Variants in SLC35F2 observed in about 807,000 individuals in gnomAD.
SLC35F2 encodes the protein solute carrier family 35 member F2.
Under a neutral mutation model 38.1 loss-of-function variants are expected in SLC35F2, and 25 were observed. The ratio of observed to expected loss-of-function variants is 0.66; its 90% confidence interval spans 0.48 to 0.92. The LOEUF is 0.92. SLC35F2 is among the 40% of genes least tolerant of loss of function. The probability of loss-of-function intolerance (pLI) is 0.00; values close to 1 mark genes in which losing one functional copy is unlikely to be tolerated. For synonymous variants in SLC35F2, 173 were observed against 181.7 expected, an observed-to-expected ratio of 0.95 and a Z score of 0.38; for missense variants, 409 against 452.9, an observed-to-expected ratio of 0.90 and a Z score of 0.88.
intron 1 of SLC35F2, among the ~76,000 whole-genome samples, chr11:107,847,761 G>A (rs1181019297): frequency 2.0e-5 from 3 of 152,276 alleles, no homozygotes; most frequent in South Asian, 2.1e-4. Flanking sequence ...TGCTAACAGT[G>A]AAAGCAATCC....
chr11:107,803,705 G>A (rs964447395), intron 6 of SLC35F2, among the ~76,000 whole-genome samples: 4 of 151,736 alleles, frequency 2.6e-5, no homozygotes, highest in Non-Finnish European at 5.9e-5. Flanking sequence ...GACAGTGCTT[G>A]CCACGTGGAT....
At position 107,804,760 on chromosome 11, in the gene SLC35F2, C is replaced by A; in HGVS notation, c.742G>T (p.Glu248Ter). The A allele has an allele frequency of 6.2e-7, 1 of 1,605,840 alleles. No individual in the cohort carries two copies. Among genetic ancestry groups the A allele is most frequent in the Non-Finnish European group, 8.5e-7 (1 of 1,176,908 alleles). Residue 248 changes from glutamate (E) to a stop codon, truncating the protein, a stop_gained, in exon 6 of 8, where the codon GAA becomes TAA. Transcript: ENST00000525815. LOFTEE classifies it high-confidence loss of function. ...TGAATGCTGGCAATATCCTTATATT[C>A]CACAATCAATCTAAGATTAAAACAA... is the stretch of plus-strand genomic sequence containing the variant. Reference protein sequence around the residue: ...IISGIQLLIVEYKDIASIHWD... With the variant: ...IISGIQLLIV
intron 3 of SLC35F2, among the ~76,000 whole-genome samples, chr11:107,808,575 G>C (rs1278305051): frequency 6.6e-6 from 1 of 152,006 alleles, no homozygotes; most frequent in Non-Finnish European, 1.5e-5. Context: ...GTTTGGTCTT[G>C]AACAAGACAG....
chr11:107,805,468 G>C lies in SLC35F2; in HGVS notation c.622C>G (p.Leu208Val), dbSNP rs901359046. ...GDILVLLGAS[L>V]YAISNVCEEY... is the part of the protein sequence containing the mutation. ...TCACAAACATTTGAAATGGCATAGA[G>C]GGAAGCCCCAAGAAGGACCAAGATG... The change falls in exon 5 of 8, where the codon CTC becomes GTC. Residue 208 changes from leucine (L) to valine (V), a missense_variant. Leu to Val is a conservative substitution (Grantham distance 32). Coordinates refer to ENST00000525815, the MANE Select transcript of SLC35F2 (RefSeq NM_017515.5). 6.2e-7 allele frequency: 1 copy of C among 1,613,964 alleles called. No homozygotes were observed. The highest frequency in any genetic ancestry group is 8.5e-7 in the Non-Finnish European group (1 of 1,180,020).
intron 1 of SLC35F2, among the ~76,000 whole-genome samples, chr11:107,839,651 G>A (rs1490956497): frequency 1.3e-5 from 2 of 152,080 alleles, no homozygotes; most frequent in African/African-American, 2.4e-5. Context: ...AGGAGAAAGC[G>A]TGAAACACAT....
chr11:107,810,453 A>T, intron 3 of SLC35F2: 2 of 984,146 alleles, frequency 2.0e-6, no homozygotes, highest in Non-Finnish European at 2.4e-6. Flanking sequence ...TGTAGGTGAG[A>T]TTATGAGAGT....
intron 1 of SLC35F2, among the ~76,000 whole-genome samples, chr11:107,842,960 G>A (rs1362857523): frequency 6.6e-6 from 1 of 152,098 alleles, no homozygotes; most frequent in African/African-American, 2.4e-5. Context: ...TCACAGGAAA[G>A]AATATTACAA....
At chr11:107,825,466 G>T (rs1370816684) in intron 1 of SLC35F2, among the ~76,000 whole-genome samples, 1 of 151,302 alleles carries the variant, frequency 6.6e-6, no homozygotes, top group Admixed American at 6.6e-5. Flanking sequence ...CCACCTCCTG[G>T]GTTCAAGTGA....
At chr11:107,792,896 A>G in intron 7 of SLC35F2, 96 bp from the exon 8 acceptor site, 1 of 1,368,834 alleles carries the variant, frequency 7.3e-7, no homozygotes, top group African/African-American at 1.7e-5. Flanking sequence ...CCCTCTCATA[A>G]TCTTTTTATT....
chr11:107,844,940 C>T (rs956434129), intron 1 of SLC35F2, among the ~76,000 whole-genome samples: 19 of 148,446 alleles, frequency 1.3e-4, no homozygotes, highest in South Asian at 8.6e-4. Context: ...CACGTCACGG[C>T]ACTCCAGCCT....
chr11:107,841,280 C>T lies in SLC35F2; in HGVS notation c.110+17378G>A, dbSNP rs553380291. 7.9e-5 allele frequency among the ~76,000 whole-genome samples: 12 copies of T among 152,176 alleles called. No homozygotes were observed. In the South Asian group the frequency reaches 1.2e-3, roughly 16 times the overall value. On this transcript the variant is annotated intron_variant, in intron 1 of 7. Transcript: ENST00000525815. ...GCACTTCACAGAAGTACACTAAGGC[C>T]GGCCGGGTGTGGCAGCTCATGCCTG...
intron 1 of SLC35F2, among the ~76,000 whole-genome samples, chr11:107,836,515 T>C (rs2134833522): frequency 6.6e-6 from 1 of 152,326 alleles, no homozygotes; most frequent in East Asian, 1.9e-4. Flanking sequence ...CCCAATCTAA[T>C]CACATGAGAC....
chr11:107,796,440 T>A (rs1165697296), intron 7 of SLC35F2, among the ~76,000 whole-genome samples: 2 of 152,182 alleles, frequency 1.3e-5, no homozygotes, highest in African/African-American at 4.8e-5. Flanking sequence ...GGGATACTAT[T>A]CAGCCACAAA....
chr11:107,806,584 G>A (rs1456687842), intron 4 of SLC35F2, 133 bp downstream of exon 4: 4 of 776,896 alleles, frequency 5.1e-6, no homozygotes, highest in African/African-American at 3.4e-5. Context: ...AACACAAAGT[G>A]TGGCAAAGTG....
rs878991682 is a variant in SLC35F2 at position 107,804,765 on chromosome 11, A to G, written c.737T>C (p.Ile246Thr). The G allele has an allele frequency of 1.2e-6, 2 of 1,606,054 alleles. No individual in the cohort carries two copies. The highest frequency in any genetic ancestry group is 3.4e-5 in the Admixed American group (2 of 58,174). Reference protein sequence around the residue: ...GTIISGIQLLIVEYKDIASIH... With the variant: ...GTIISGIQLLTVEYKDIASIH... ...GCTGGCAATATCCTTATATTCCACA[A>G]TCAATCTAAGATTAAAACAAGAGGT... The change falls in exon 6 of 8, where the codon ATT (isoleucine) becomes ACT (threonine). Residue 246 changes from isoleucine to threonine, a missense_variant. Ile to Thr is a moderately conservative substitution (Grantham distance 89, BLOSUM62 -1). Coordinates refer to ENST00000525815, the MANE Select transcript of SLC35F2 (RefSeq NM_017515.5).
chr11:107,837,271 A>G (rs921867169), intron 1 of SLC35F2, among the ~76,000 whole-genome samples: 1 of 152,174 alleles, frequency 6.6e-6, no homozygotes, highest in African/African-American at 2.4e-5. Context: ...AACACTATAT[A>G]TGTATCATTC....
At chr11:107,805,242 T>C (rs1211250019) in intron 5 of SLC35F2, 117 bp downstream of exon 5, 7 of 1,384,470 alleles carry the variant, frequency 5.1e-6, no homozygotes, top group Non-Finnish European at 6.6e-6. Context: ...TACTCTTGCA[T>C]CCACCTAATA....
In SLC35F2 at chr11:107,792,511, T is replaced by A; in HGVS notation, c.*104A>T. 1 of 1,346,628 alleles carries A rather than the reference T, an allele frequency of 7.4e-7. No individual in the cohort carries two copies. The highest frequency in any genetic ancestry group is 1.0e-6 in the Non-Finnish European group (1 of 1,000,576). The allele number at this position is 1,346,628 out of a possible 1,614,324, so 83.4% of individuals were successfully genotyped here. A position where few individuals can be genotyped will look rare whatever the true frequency, so the allele number is the denominator to read the frequency against. Reference sequence around the variant, plus strand: ...CCTAACCACTGGATCCAACCCAGGGTTGTAGAGTGTCCATTCTGAGTCTGC... The same window carrying A: ...CCTAACCACTGGATCCAACCCAGGGATGTAGAGTGTCCATTCTGAGTCTGC... On this transcript the variant is annotated 3_prime_UTR_variant, in exon 8 of 8. Transcript: ENST00000525815.
In SLC35F2 at chr11:107,792,759, C is replaced by T. The variant is rs752017410; in HGVS notation, c.981G>A (p.Val327=). The part of the protein sequence containing the change: ...LYILSFTVIM[V]GFILYCSTPT... ...GGGTGGAGCAGTACAGGATAAACCC[C>T]ACCATGATGACAGTGAAGGACAGGA... The change falls in exon 8 of 8, where the codon GTG becomes GTA. Residue 327 remains valine, a synonymous_variant. Coordinates refer to ENST00000525815, the MANE Select transcript of SLC35F2 (RefSeq NM_017515.5). 5.3e-5 allele frequency: 85 copies of T among 1,605,622 alleles called. No homozygotes were observed. Among genetic ancestry groups the T allele is most frequent in the Non-Finnish European group, 6.9e-5 (81 of 1,176,088 alleles).
Sources: allele counts gnomAD v4.1 joint callset (sites outside exome capture counted in the v4.1 genomes callset), GRCh38; gene constraint gnomAD v4.1.1; transcripts MANE v1.5; gene names NCBI Gene and HGNC (gene_info 2026-07-23, HGNC 2026-07-21).